Variants in FSTL5 observed in about 807,000 individuals in gnomAD.
The protein encoded by FSTL5 is follistatin like 5.
A neutral mutation model predicts 89.1 loss-of-function variants in FSTL5; 62 were observed. The observed-to-expected ratio is 0.70, with a 90% CI of 0.57 to 0.86. The LOEUF is 0.86. Among genes scored for constraint, FSTL5 ranks in the 40% least tolerant of loss-of-function variants. FSTL5 has a pLI of 0.00. For missense variants in FSTL5, 1,057 were observed against 1,001.6 expected (o/e 1.06, Z -0.75); for synonymous variants, 383 against 346.2 (o/e 1.11, Z -1.18).
At chr4:161,412,541 T>C (rs931200479) in intron 15 of FSTL5, among the ~76,000 whole-genome samples, 5 of 151,938 alleles carry the variant, frequency 3.3e-5, no homozygotes, top group African/African-American at 4.8e-5. Flanking sequence ...AGGAGAAATA[T>C]CTAATGTAAA....
chr4:162,124,660 T>C (rs28580303), intron 1 of FSTL5, among the ~76,000 whole-genome samples: 7,561 of 152,242 alleles, frequency 0.05, 203 homozygotes, highest in Admixed American at 0.054. Flanking sequence ...GGAGACTCTA[T>C]CAAAACATAC....
chr4:161,389,965 T>C (rs1730766389), intron 15 of FSTL5, among the ~76,000 whole-genome samples: 2 of 152,214 alleles, frequency 1.3e-5, no homozygotes, highest in South Asian at 4.1e-4. Context: ...CAAGTGTGGC[T>C]ATAACTTTCC....
At chr4:162,033,512 T>C in intron 3 of FSTL5, 113 bp downstream of exon 3, 1 of 609,622 alleles carries the variant, frequency 1.6e-6, no homozygotes, top group Non-Finnish European at 2.8e-6. Context: ...CTGAATATTT[T>C]TAATTATCAT....
intron 4 of FSTL5, among the ~76,000 whole-genome samples, chr4:161,789,007 C>T (rs1015609456): frequency 2.0e-5 from 3 of 152,072 alleles, no homozygotes; most frequent in African/African-American, 7.2e-5. Flanking sequence ...AGAATTGTTT[C>T]TTATTTCATT....
chr4:161,985,796 T>C (rs1165548870), intron 3 of FSTL5, among the ~76,000 whole-genome samples: 4 of 152,008 alleles, frequency 2.6e-5, no homozygotes, highest in Non-Finnish European at 1.5e-5. Flanking sequence ...TACATACATA[T>C]ATATTTATCA....
chr4:162,084,274 G>A (rs1212657282), intron 2 of FSTL5, among the ~76,000 whole-genome samples: 1 of 151,750 alleles, frequency 6.6e-6, no homozygotes, highest in Admixed American at 6.6e-5. Context: ...AATATTCAGA[G>A]TATCATCACC....
intron 4 of FSTL5, among the ~76,000 whole-genome samples, chr4:161,815,673 T>C (rs906920085): frequency 6.6e-6 from 1 of 152,128 alleles, no homozygotes; most frequent in Non-Finnish European, 1.5e-5. Flanking sequence ...TCAGTACTAT[T>C]AAAAAATAAT....
At chr4:162,028,635 G>A (rs1737392822) in intron 3 of FSTL5, among the ~76,000 whole-genome samples, 2 of 152,116 alleles carry the variant, frequency 1.3e-5, no homozygotes, top group African/African-American at 4.8e-5. Flanking sequence ...TAGTGACTAT[G>A]CATTTCATGA....
At chr4:161,776,100 C>T in intron 4 of FSTL5, 26 bp from the exon 5 acceptor site, 1 of 1,164,654 alleles carries the variant, frequency 8.6e-7, no homozygotes, top group Non-Finnish European at 1.2e-6. Flanking sequence ...TAGTTATTTT[C>T]AAGCAATATT....
At chr4:161,670,094 C>A (rs1378974298) in intron 6 of FSTL5, among the ~76,000 whole-genome samples, 1 of 152,042 alleles carries the variant, frequency 6.6e-6, no homozygotes, top group Non-Finnish European at 1.5e-5. Context: ...GCATGAAATG[C>A]AGAATTAACT....
intron 8 of FSTL5, among the ~76,000 whole-genome samples, chr4:161,551,074 T>C (rs554720210): frequency 3.3e-5 from 5 of 152,196 alleles, no homozygotes; most frequent in Admixed American, 2.6e-4. Context: ...AGCAGCATGA[T>C]TTATAGTCCA....
intron 6 of FSTL5, among the ~76,000 whole-genome samples, chr4:161,749,463 T>C (rs1252817712): frequency 6.6e-6 from 1 of 152,160 alleles, no homozygotes; most frequent in East Asian, 1.9e-4. Flanking sequence ...TGTTCTCATT[T>C]ATAAGTGAGA....
At chr4:161,902,710 G>C (rs1246980820) in intron 4 of FSTL5, among the ~76,000 whole-genome samples, 2 of 151,978 alleles carry the variant, frequency 1.3e-5, no homozygotes, top group Non-Finnish European at 2.9e-5. Flanking sequence ...TTAGCCAGGC[G>C]TGATGGTGGG....
At chr4:161,507,414 G>A (rs911536112) in intron 11 of FSTL5, among the ~76,000 whole-genome samples, 34 of 151,638 alleles carry the variant, frequency 2.2e-4, no homozygotes, top group Admixed American at 5.3e-4. Flanking sequence ...ATATTTAAAT[G>A]TATTATATCT....
chr4:161,587,552 C>T lies in FSTL5; in HGVS notation c.918G>A (p.Leu306=). Residue 306 remains leucine (L), a synonymous_variant, in exon 8 of 16, where the codon TTG becomes TTA. Coordinates refer to ENST00000306100, the MANE Select transcript of FSTL5 (RefSeq NM_020116.5). ...GAGTTGTGGTAACCTTAGTAATATA[C>T]AAGGACCCATCATCTCCAAAGTCCT... ...DINDFGDDGS[L]YITKVTTTHV... 1.9e-6 allele frequency: 3 copies of T among 1,608,422 alleles called. No homozygotes were observed. Among genetic ancestry groups the T allele is most frequent in the East Asian group, 2.2e-5 (1 of 44,658 alleles).
At chr4:161,542,107 A>T (rs1731837290) in intron 9 of FSTL5, among the ~76,000 whole-genome samples, 1 of 152,018 alleles carries the variant, frequency 6.6e-6, no homozygotes, top group Admixed American at 6.6e-5. Context: ...TCATTTACAA[A>T]ATATGCTAAA....
In FSTL5 at chr4:162,064,121, A is replaced by C. The variant is rs12648543; in HGVS notation, c.127-30463T>G. Among the ~76,000 whole-genome samples, 1,126 of 152,056 alleles carry C rather than the reference A, an allele frequency of 7.4e-3. 12 individuals carry two copies. The highest frequency in any genetic ancestry group is 0.014 in the Non-Finnish European group (939 of 67,920). Reference sequence around the variant, plus strand: ...ATCTACCTTCTCTTGGTCTCCCCGAATAAATTTCTTCAGCAGTTTCTACTA... The same window carrying C: ...ATCTACCTTCTCTTGGTCTCCCCGACTAAATTTCTTCAGCAGTTTCTACTA... On this transcript the variant is annotated intron_variant, in intron 2 of 15. Coordinates refer to ENST00000306100, the MANE Select transcript of FSTL5 (RefSeq NM_020116.5).
Position 161,666,684 on chromosome 4 carries a change from A to G in FSTL5, c.728-10190T>C, listed in dbSNP as rs140254304. On this transcript the variant is annotated intron_variant, in intron 6 of 15. Transcript: ENST00000306100. ...AAAGAGAAGACCCCTATATGGGGAGAGAACAGTATGATAACAAATAGGATA... is the reference window on the plus strand; with the variant it reads ...AAAGAGAAGACCCCTATATGGGGAGGGAACAGTATGATAACAAATAGGATA... 6.0e-3 allele frequency among the ~76,000 whole-genome samples: 919 copies of G among 152,266 alleles called. 9 individuals are homozygous for G. Among genetic ancestry groups the G allele is most frequent in the South Asian group, 0.045 (219 of 4,826 alleles).
chr4:161,670,923 A>G (rs1204681519), intron 6 of FSTL5, among the ~76,000 whole-genome samples: 1 of 152,126 alleles, frequency 6.6e-6, no homozygotes, highest in African/African-American at 2.4e-5. Context: ...TTACAATGGG[A>G]AAAGCATCAG....
Sources: allele counts gnomAD v4.1 joint callset (sites outside exome capture counted in the v4.1 genomes callset), GRCh38; gene constraint gnomAD v4.1.1; transcripts MANE v1.5; gene names NCBI Gene and HGNC (gene_info 2026-07-23, HGNC 2026-07-21).